RNF17: variants seen among roughly 807,000 people sequenced by gnomAD.
The protein encoded by RNF17 is ring finger protein 17, also known as spermatogenesis associated 23.
RNF17 carries 31 observed loss-of-function variants against 200.5 expected under a neutral mutation model. The observed-to-expected ratio is 0.15, with a 90% CI of 0.12 to 0.21. The LOEUF (loss-of-function observed/expected upper bound fraction) is 0.21, where lower values mean the gene tolerates loss of function less well. RNF17 is among the 10% of genes least tolerant of loss of function. The pLI is 1.00. For missense variants in RNF17, 1,628 were observed against 1,905.1 expected (o/e 0.85, Z 2.71); for synonymous variants, 606 against 637.8 (o/e 0.95, Z 0.75).
intron 18 of RNF17, 125 bp downstream of exon 18, chr13:24,832,103 T>A: frequency 1.5e-6 from 1 of 659,416 alleles, no homozygotes; most frequent in African/African-American, 1.8e-5. Flanking sequence ...ATAAGATTTG[T>A]TGAGAATTAG....
rs1341059766 is a variant in RNF17 at position 24,793,160 on chromosome 13, G to A, written c.1054G>A (p.Val352Ile). The change falls in exon 10 of 36, where the codon GTC (valine) becomes ATC (isoleucine). Residue 352 changes from valine (V) to isoleucine (I), a missense_variant. By Grantham distance (29) the Val-to-Ile change is conservative (BLOSUM62 3). This residue lies in a region of RNF17 where 502 missense variants were observed against 501.7 expected (regional missense o/e 1.00). Transcript: ENST00000255324. ...AGAAAAGAAAAAGGTTGACATGTCTGTCCTAACCAGTGAAGCACCACCACC... is the reference window on the plus strand; with the variant it reads ...AGAAAAGAAAAAGGTTGACATGTCTATCCTAACCAGTGAAGCACCACCACC... Reference protein sequence around the residue: ...PLEKKKVDMSVLTSEAPPPPL... With the variant: ...PLEKKKVDMSILTSEAPPPPL... The A allele has an allele frequency of 1.2e-6, 2 of 1,613,976 alleles. No homozygotes were observed. Among genetic ancestry groups the A allele is most frequent in the Non-Finnish European group, 8.5e-7 (1 of 1,179,982 alleles).
chr13:24,800,219 T>C (rs912863925), intron 12 of RNF17, 147 bp from the exon 13 acceptor site: 2 of 522,338 alleles, frequency 3.8e-6, no homozygotes, highest in Admixed American at 3.4e-5. Flanking sequence ...TAAGTCTATA[T>C]AGTAAGAAAG....
chr13:24,796,046 C>A, intron 10 of RNF17, 91 bp from the exon 11 acceptor site: 1 of 916,782 alleles, frequency 1.1e-6, no homozygotes, highest in Non-Finnish European at 1.6e-6. Context: ...TGCCATAAGA[C>A]ACTCTTTTAG....
chr13:24,833,613 T>G (rs781124385), intron 18 of RNF17, among the ~76,000 whole-genome samples: 1 of 151,246 alleles, frequency 6.6e-6, no homozygotes. Context: ...TGATTCCTCT[T>G]CTTTCTTTCT....
At chr13:24,796,926 A>G (rs896855216) in intron 11 of RNF17, among the ~76,000 whole-genome samples, 8 of 152,214 alleles carry the variant, frequency 5.3e-5, no homozygotes, top group African/African-American at 1.9e-4. Flanking sequence ...ATATATAACT[A>G]ATACAGAAAG....
At chr13:24,767,746 CA>C (rs71186846) in intron 2 of RNF17, among the ~76,000 whole-genome samples, 1,351 of 94,926 alleles carry the variant, frequency 0.014, 19 homozygotes, top group South Asian at 0.044. Context: ...GACTCCATCT[CA>C]AAAAAAAAAA....
chr13:24,868,339 G>A (rs1593479757), intron 30 of RNF17, among the ~76,000 whole-genome samples: 2 of 148,640 alleles, frequency 1.3e-5, no homozygotes, highest in East Asian at 3.9e-4. Flanking sequence ...GCGTAGTGGC[G>A]GGCGCCTGTA....
intron 15 of RNF17, among the ~76,000 whole-genome samples, chr13:24,811,412 C>A (rs971207654): frequency 6.6e-6 from 1 of 152,074 alleles, no homozygotes; most frequent in African/African-American, 2.4e-5. Flanking sequence ...TCGCTGATAC[C>A]CTTTCTTCCA....
intron 15 of RNF17, among the ~76,000 whole-genome samples, chr13:24,807,393 TG>T (rs1450408874): frequency 6.6e-6 from 1 of 152,064 alleles, no homozygotes; most frequent in Non-Finnish European, 1.5e-5. Context: ...ATTTCTCTGA[TG>T]GCCAGTGATG....
At chr13:24,861,409 G>A (rs750316480) in intron 27 of RNF17, 22 bp downstream of exon 27, 1 of 1,413,250 alleles carries the variant, frequency 7.1e-7, no homozygotes, top group Non-Finnish European at 9.4e-7. Flanking sequence ...ATAATTTGTG[G>A]AATGATTAAT....
chr13:24,870,450 A>G (rs1378247962), intron 31 of RNF17, 121 bp from the exon 32 acceptor site: 2 of 702,162 alleles, frequency 2.8e-6, no homozygotes, highest in Admixed American at 5.2e-5. Flanking sequence ...GGTGAATATC[A>G]GGAGGTGTAG....
At chr13:24,835,455 C>T (rs1181408401) in intron 18 of RNF17, among the ~76,000 whole-genome samples, 1 of 152,160 alleles carries the variant, frequency 6.6e-6, no homozygotes, top group Non-Finnish European at 1.5e-5. Flanking sequence ...ACAGGCACTG[C>T]TATCCACTGC....
intron 26 of RNF17, among the ~76,000 whole-genome samples, chr13:24,859,727 G>C (rs1200230750): frequency 1.3e-5 from 2 of 152,192 alleles, no homozygotes; most frequent in Non-Finnish European, 2.9e-5. Context: ...TTAATTAGGG[G>C]TGAGGGGAGA....
At chr13:24,812,498 G>C (rs960373926) in intron 15 of RNF17, among the ~76,000 whole-genome samples, 1 of 152,020 alleles carries the variant, frequency 6.6e-6, no homozygotes, top group African/African-American at 2.4e-5. Context: ...GCCCTGCTTC[G>C]GCTCACGCAT....
chr13:24,842,713 C>T (rs969328225), intron 19 of RNF17, among the ~76,000 whole-genome samples: 4 of 152,056 alleles, frequency 2.6e-5, no homozygotes, highest in Non-Finnish European at 5.9e-5. Flanking sequence ...AATTCTTGCA[C>T]AACAGGGACT....
chr13:24,800,285 G>T, intron 12 of RNF17, 81 bp from the exon 13 acceptor site: 1 of 937,298 alleles, frequency 1.1e-6, no homozygotes. Context: ...ATTATACTTA[G>T]AAATGCATAC....
At chr13:24,784,845 T>TTC (rs920510938) in intron 6 of RNF17, among the ~76,000 whole-genome samples, 11 of 152,126 alleles carry the variant, frequency 7.2e-5, no homozygotes, top group African/African-American at 2.7e-4. Context: ...TAGCTGGGAC[T>TTC]ACAGGCACCT....
intron 18 of RNF17, among the ~76,000 whole-genome samples, chr13:24,834,955 C>T (rs920431026): frequency 6.6e-6 from 1 of 152,186 alleles, no homozygotes; most frequent in Non-Finnish European, 1.5e-5. Context: ...TTGCTCTCCA[C>T]CTGGACACAG....
intron 16 of RNF17, among the ~76,000 whole-genome samples, chr13:24,827,718 C>CAAAAAAA (rs1250308715): frequency 1.1e-4 from 6 of 54,628 alleles, no homozygotes; most frequent in Non-Finnish European, 1.5e-4. Context: ...AAAAAAAAAA[C>CAAAAAAA]AAAAAAAAAA....
Sources: gnomAD v4.1 joint callset for allele counts (sites outside exome capture counted in the v4.1 genomes callset) on GRCh38, gnomAD v4.1.1 for gene constraint, gnomAD v4.1.1 regional missense constraint, MANE v1.5 for transcripts, NCBI Gene and HGNC (gene_info 2026-07-23, HGNC 2026-07-21) for gene names.